The following PTDSS2 variants were observed in gnomAD, a reference collection of about 807,000 sequenced individuals.
The protein encoded by PTDSS2 is PSS-2.
PTDSS2 carries 41 observed loss-of-function variants against 64.7 expected under a neutral mutation model. The observed-to-expected ratio is 0.63, with a 90% CI of 0.49 to 0.82. The LOEUF is 0.82. PTDSS2 is among the 40% of genes least tolerant of loss of function. The probability of loss-of-function intolerance (pLI) is 0.00; values close to 1 mark genes in which losing one functional copy is unlikely to be tolerated. For synonymous variants in PTDSS2, 297 were observed against 277.8 expected (o/e 1.07, Z -0.69); for missense variants, 485 against 650.0 (o/e 0.75, Z 2.76).
rs530464406 is a variant in PTDSS2 at position 450,512 on chromosome 11, C to A, written c.57C>A (p.Pro19=). ...GTCCGCGGCCCGAGTCCCCGGTGCC[C>A]GCGGGCAGGGCCTCGCTGGAGGAGC... The part of the protein sequence containing the change: ...AGGPRPESPV[P]AGRASLEEPP... Residue 19 remains proline (P), a synonymous_variant, in exon 1 of 12, where the codon CCC becomes CCA. Coordinates refer to ENST00000308020, the MANE Select transcript of PTDSS2 (RefSeq NM_030783.3). 2.0e-5 allele frequency: 25 copies of A among 1,239,352 alleles called. No individual in the cohort carries two copies. The East Asian group carries it at 8.0e-4, about 39-fold the overall frequency. The allele number at this position is 1,239,352 out of a possible 1,614,324, so 76.8% of individuals were successfully genotyped here. A position where few individuals can be genotyped will look rare whatever the true frequency, so the allele number is the denominator to read the frequency against.
chr11:474,895 A>G (rs1371432635), intron 3 of PTDSS2, among the ~76,000 whole-genome samples: 1 of 148,836 alleles, frequency 6.7e-6, no homozygotes, highest in Non-Finnish European at 1.5e-5. Flanking sequence ...GTGTGCGGAC[A>G]TATTCACACG....
intron 2 of PTDSS2, among the ~76,000 whole-genome samples, chr11:473,008 G>A (rs1847549979): frequency 1.3e-5 from 2 of 152,240 alleles, no homozygotes; most frequent in African/African-American, 2.4e-5. Flanking sequence ...GCATCCGAGC[G>A]TCTGCAGAGC....
At chr11:451,430 G>C in intron 1 of PTDSS2, 1 of 445,368 alleles carries the variant, frequency 2.2e-6, no homozygotes, top group African/African-American at 2.0e-5. Flanking sequence ...CTGTGAGAAG[G>C]ATCAAGCCGT....
intron 3 of PTDSS2, among the ~76,000 whole-genome samples, chr11:475,383 A>G (rs1847742337): frequency 1.3e-5 from 2 of 150,980 alleles, no homozygotes. Context: ...GTGTATGGAC[A>G]TATTCACGCG....
At position 489,664 on chromosome 11, in the gene PTDSS2, T is replaced by C; in HGVS notation, c.1046T>C (p.Leu349Pro). 1 of 1,599,690 alleles carries C rather than the reference T, an allele frequency of 6.3e-7. No homozygotes were observed. Among genetic ancestry groups the C allele is most frequent in the Non-Finnish European group, 8.5e-7 (1 of 1,173,858 alleles). The change falls in exon 10 of 12, where the codon CTG becomes CCG. Residue 349 changes from leucine (L) to proline (P), a missense_variant. Leu to Pro is a moderately conservative substitution (Grantham distance 98). Around this residue, in one of 3 missense-constraint regions of PTDSS2, gnomAD observed 219 missense variants for 257.3 expected, o/e 0.85. Coordinates refer to ENST00000308020, the MANE Select transcript of PTDSS2 (RefSeq NM_030783.3). ...CCCCCGGAGCACTACCTGGTCCTCC[T>C]GCGGCTCGTCTTCTTCGTGAACGTG... ...WMPPEHYLVLLRLVFFVNVGG... is the reference protein window; with the variant it reads ...WMPPEHYLVLPRLVFFVNVGG...
At position 489,526 on chromosome 11, in the gene PTDSS2, C is replaced by A. The variant is rs557346521; in HGVS notation, c.969+12C>A. The A allele has an allele frequency of 1.9e-5, 30 of 1,611,838 alleles. No individual in the cohort carries two copies. In the South Asian group the frequency reaches 2.3e-4, roughly 12 times the overall value. ...GCATCATCCTGGTGGTAAGGCCGGG[C>A]TGCCTCGCGACGGCGCGGCGGGCGG... On this transcript the variant is annotated intron_variant, in intron 9 of 11. Transcript: ENST00000308020.
intron 3 of PTDSS2, among the ~76,000 whole-genome samples, chr11:475,830 TAG>T (rs1847778834): frequency 6.6e-6 from 1 of 152,242 alleles, no homozygotes; most frequent in Non-Finnish European, 1.5e-5. Flanking sequence ...ATTGTATATT[TAG>T]AGAGTTTCCA....
intron 1 of PTDSS2, among the ~76,000 whole-genome samples, chr11:457,069 C>T (rs1846628683): frequency 6.6e-6 from 1 of 152,268 alleles, no homozygotes; most frequent in East Asian, 1.9e-4. Context: ...GGCAAGACCC[C>T]GTCTCTACAA....
chr11:452,926 C>T (rs1296100384), intron 1 of PTDSS2, among the ~76,000 whole-genome samples: 1 of 151,466 alleles, frequency 6.6e-6, no homozygotes, highest in African/African-American at 2.4e-5. Context: ...ATAGAGGGTC[C>T]CCCTGTGTTG....
chr11:484,218 CCTG>C (rs1848196912), intron 4 of PTDSS2, among the ~76,000 whole-genome samples: 1 of 152,184 alleles, frequency 6.6e-6, no homozygotes, highest in African/African-American at 2.4e-5. Context: ...CCACGTGGTT[CCTG>C]TATTGCTTTC....
chr11:490,627 C>A lies in PTDSS2; in HGVS notation c.*45C>A. 1 of 1,525,632 alleles carries A rather than the reference C, an allele frequency of 6.6e-7. No individual in the cohort carries two copies. The highest frequency in any genetic ancestry group is 2.4e-5 in the East Asian group (1 of 41,184). The allele number at this position is 1,525,632 out of a possible 1,614,324, so 94.5% of individuals were successfully genotyped here. A position where few individuals can be genotyped will look rare whatever the true frequency, so the allele number is the denominator to read the frequency against. On this transcript the variant is annotated 3_prime_UTR_variant, in exon 12 of 12. Coordinates refer to ENST00000308020, the MANE Select transcript of PTDSS2 (RefSeq NM_030783.3). ...GTGAGCCTCCCAGAGCCCAGGCCTC[C>A]GTGGCCTCCTCCTGTGTGAGTCCCA...
intron 3 of PTDSS2, among the ~76,000 whole-genome samples, chr11:475,277 G>GA (rs1379099427): frequency 7.2e-5 from 9 of 125,488 alleles, no homozygotes; most frequent in African/African-American, 1.0e-4. Context: ...TTGTGATACG[G>GA]CCATATTCAC....
At chr11:489,174 G>T (rs1287197936) in intron 8 of PTDSS2, among the ~76,000 whole-genome samples, 1 of 152,234 alleles carries the variant, frequency 6.6e-6, no homozygotes, top group Non-Finnish European at 1.5e-5. Flanking sequence ...GAGAAGCAGG[G>T]CTTGTAGCTG....
chr11:472,107 G>A (rs1175501761), intron 2 of PTDSS2, among the ~76,000 whole-genome samples: 2 of 150,220 alleles, frequency 1.3e-5, no homozygotes, highest in Non-Finnish European at 3.0e-5. Context: ...AGCCTGGGGT[G>A]ACGCGGATGG....
chr11:464,800 T>C (rs1286497580), intron 2 of PTDSS2, among the ~76,000 whole-genome samples: 1 of 152,254 alleles, frequency 6.6e-6, no homozygotes, highest in African/African-American at 2.4e-5. Context: ...TCACACATTT[T>C]ACTCAATAAA....
At chr11:486,848 A>C in intron 4 of PTDSS2, 91 bp from the exon 5 acceptor site, 1 of 1,379,462 alleles carries the variant, frequency 7.2e-7, no homozygotes, top group South Asian at 1.5e-5. Context: ...ACTCCATCTC[A>C]AAAAAATAAA....
At position 487,044 on chromosome 11, in the gene PTDSS2, A is replaced by C. The variant is rs1374637726; in HGVS notation, c.541A>C (p.Asn181His). 1 of 1,613,530 alleles carries C rather than the reference A, an allele frequency of 6.2e-7. No homozygotes were observed. The highest frequency in any genetic ancestry group is 2.2e-5 in the East Asian group (1 of 44,882). ...AAACTGCCTCATCTACGACCCAGAC[A>C]ATGAGACTGACCCCTTTCACAACAT... ...GGNCLIYDPDNETDPFHNIWD... is the reference protein window; with the variant it reads ...GGNCLIYDPDHETDPFHNIWD... Residue 181 changes from asparagine to histidine, a missense_variant, in exon 5 of 12, where the codon AAT (asparagine) becomes CAT (histidine). Coordinates refer to ENST00000308020, the MANE Select transcript of PTDSS2 (RefSeq NM_030783.3).
intron 2 of PTDSS2, among the ~76,000 whole-genome samples, chr11:466,966 G>T (rs112330217): frequency 6.6e-6 from 1 of 152,094 alleles, no homozygotes; most frequent in African/African-American, 2.4e-5. Flanking sequence ...GAGGTGGGAG[G>T]ATCCCTTGAG....
rs1240832280 is a variant in PTDSS2, at chr11:476,514, G to T, written c.367+2537G>T. ...TTGGAGATGCACCAAATCCCTCCTG[G>T]GTGGCGGCATCACTGGGGACTGGGA... On this transcript the variant is annotated intron_variant, in intron 3 of 11. Transcript: ENST00000308020. This position sits in a 1 kb window ranked among gnomAD's most constrained non-coding sequence, Gnocchi z 4.9. 6.6e-6 allele frequency among the ~76,000 whole-genome samples: 1 copy of T among 152,140 alleles called. No individual in the cohort carries two copies. The highest frequency in any genetic ancestry group is 2.4e-5 in the African/African-American group (1 of 41,426).
Sources: allele counts gnomAD v4.1 joint callset (sites outside exome capture counted in the v4.1 genomes callset), GRCh38; gene constraint gnomAD v4.1.1; regional missense constraint gnomAD v4.1.1; non-coding constraint Gnocchi (gnomAD v3.1); transcripts MANE v1.5; gene names NCBI Gene and HGNC (gene_info 2026-07-23, HGNC 2026-07-21).